PARM1: variants seen among roughly 807,000 people sequenced by gnomAD.
PARM1 encodes the protein WSC4, cell wall integrity and stress response component 4 homolog.
In PARM1, 14 loss-of-function variants were observed where a neutral mutation model predicts 24.6. That is an observed-to-expected ratio of 0.57 (90% CI 0.38 to 0.89). PARM1 has a LOEUF of 0.89. Among genes scored for constraint, PARM1 ranks in the 40% least tolerant of loss-of-function variants. The pLI is 0.00. For synonymous variants in PARM1, 179 were observed against 156.6 expected, an observed-to-expected ratio of 1.14 and a Z score of -1.07; for missense variants, 362 against 380.4, an observed-to-expected ratio of 0.95 and a Z score of 0.40.
intron 3 of PARM1, among the ~76,000 whole-genome samples, chr4:75,044,182 G>A (rs1056726900): frequency 1.4e-4 from 22 of 152,134 alleles, no homozygotes; most frequent in Admixed American, 1.4e-3. Flanking sequence ...TTTTCATTTT[G>A]TTTAATTTTC....
At position 75,020,959 on chromosome 4, in the gene PARM1, G is replaced by A. The variant is rs771558111; in HGVS notation, c.769+7809G>A. Among the ~76,000 whole-genome samples, 19 of 152,086 alleles carry A rather than the reference G, an allele frequency of 1.2e-4. 1 individual carries two copies. The highest frequency in any genetic ancestry group is 4.2e-4 in the South Asian group (2 of 4,816). On this transcript the variant is annotated intron_variant, in intron 2 of 3. Transcript: ENST00000307428. ...CACAAGTCAATTGCATCTCTTCTTC[G>A]CAGCATGTGATTATACATTTTTCTT...
At chr4:74,949,773 A>G (rs1356908965) in intron 1 of PARM1, among the ~76,000 whole-genome samples, 1 of 151,826 alleles carries the variant, frequency 6.6e-6, no homozygotes, top group African/African-American at 2.4e-5. Context: ...GATGGCAAAC[A>G]TGTCCTGTGG....
At chr4:74,978,240 C>A (rs889178537) in intron 1 of PARM1, among the ~76,000 whole-genome samples, 3 of 152,062 alleles carry the variant, frequency 2.0e-5, no homozygotes, top group African/African-American at 7.2e-5. Context: ...GTGCAAAGAC[C>A]CACATAGGCT....
chr4:75,007,829 C>G (rs1218070023), intron 1 of PARM1, among the ~76,000 whole-genome samples: 1 of 152,178 alleles, frequency 6.6e-6, no homozygotes, highest in Non-Finnish European at 1.5e-5. Flanking sequence ...AGAACTTACT[C>G]TCTGTCTTCA....
intron 1 of PARM1, among the ~76,000 whole-genome samples, chr4:74,987,420 C>A (rs1306302007): frequency 2.0e-5 from 3 of 151,974 alleles, no homozygotes; most frequent in Admixed American, 6.6e-5. Flanking sequence ...ATTGAATGTT[C>A]TACTGTTTAT....
In PARM1 at chr4:75,046,442, A is replaced by T. The variant is rs1014930102; in HGVS notation, c.*195A>T. 1 of 491,612 alleles carries T rather than the reference A, an allele frequency of 2.0e-6. No individual in the cohort carries two copies. Among genetic ancestry groups the T allele is most frequent in the African/African-American group, 2.0e-5 (1 of 51,108 alleles). 30.5% of individuals were successfully genotyped at this position (491,612 alleles called of 1,614,324 possible). Reference sequence around the variant, plus strand: ...TCTGGTACAAGAAGAACCATTCTTTAAAGGTGAGTGGAGGCTGATTTGCAG... The same window carrying T: ...TCTGGTACAAGAAGAACCATTCTTTTAAGGTGAGTGGAGGCTGATTTGCAG... On this transcript the variant is annotated 3_prime_UTR_variant, in exon 4 of 4. Coordinates refer to ENST00000307428, the MANE Select transcript of PARM1 (RefSeq NM_015393.4).
At chr4:74,950,541 A>G (rs1190844795) in intron 1 of PARM1, among the ~76,000 whole-genome samples, 1 of 152,202 alleles carries the variant, frequency 6.6e-6, no homozygotes, top group Non-Finnish European at 1.5e-5. Context: ...CTTATTTCCA[A>G]ACAAGGTGAC....
At chr4:74,960,680 A>G (rs1721751402) in intron 1 of PARM1, among the ~76,000 whole-genome samples, 1 of 152,112 alleles carries the variant, frequency 6.6e-6, no homozygotes, top group African/African-American at 2.4e-5. Flanking sequence ...CCCAATAGAA[A>G]CATACCTAAA....
chr4:75,012,078 A>G (rs1363068060), intron 1 of PARM1, among the ~76,000 whole-genome samples: 2 of 152,200 alleles, frequency 1.3e-5, no homozygotes, highest in Non-Finnish European at 2.9e-5. Context: ...TCGGCAGTCC[A>G]GACAAGTTCC....
chr4:74,954,616 G>A (rs181308303), intron 1 of PARM1, among the ~76,000 whole-genome samples: 1 of 152,242 alleles, frequency 6.6e-6, no homozygotes, highest in African/African-American at 2.4e-5. Context: ...TGATGCTGAT[G>A]GCCCATTCTA....
chr4:74,973,625 A>G lies in PARM1; in HGVS notation c.44-38800A>G, dbSNP rs1431721046. Among the ~76,000 whole-genome samples, 15 of 152,286 alleles carry G rather than the reference A, an allele frequency of 9.8e-5. No homozygotes were observed. The East Asian group carries it at 2.5e-3, about 26-fold the overall frequency. ...AGTCCTGTCCTGAGGTATCCTTCCC[A>G]GGACCCTCTTGCAGCGGCACAAGCC... On this transcript the variant is annotated intron_variant, in intron 1 of 3. Coordinates refer to ENST00000307428, the MANE Select transcript of PARM1 (RefSeq NM_015393.4).
At chr4:75,023,805 T>C (rs1723130755) in intron 2 of PARM1, among the ~76,000 whole-genome samples, 1 of 152,076 alleles carries the variant, frequency 6.6e-6, no homozygotes, top group African/African-American at 2.4e-5. Context: ...AGCTGCAGGA[T>C]TTAGCCTGGG....
chr4:74,969,597 G>A (rs1023086271), intron 1 of PARM1: 6 of 152,244 alleles, frequency 3.9e-5, no homozygotes, highest in Non-Finnish European at 8.8e-5. Flanking sequence ...AGTGTTGCAA[G>A]AGGAATGATG....
At chr4:74,988,248 T>C (rs754634411) in intron 1 of PARM1, among the ~76,000 whole-genome samples, 2 of 152,186 alleles carry the variant, frequency 1.3e-5, no homozygotes, top group African/African-American at 2.4e-5. Flanking sequence ...ACAGTATACA[T>C]ATTTACCCAG....
rs1025286040 is a variant in PARM1, at chr4:75,042,203, C to T, written c.849-3960C>T. The stretch of plus-strand genomic sequence containing the variant: ...TATCATCAAATATTTATAAAATAAC[C>T]ATTATATCAACAGCAACATGTTAGG... On this transcript the variant is annotated intron_variant, in intron 3 of 3. Coordinates refer to ENST00000307428, the MANE Select transcript of PARM1 (RefSeq NM_015393.4). 7.2e-5 allele frequency among the ~76,000 whole-genome samples: 11 copies of T among 152,116 alleles called. 1 individual carries two copies. Among genetic ancestry groups the T allele is most frequent in the African/African-American group, 2.7e-4 (11 of 41,426 alleles).
intron 1 of PARM1, among the ~76,000 whole-genome samples, chr4:74,976,673 G>C (rs1250455892): frequency 6.6e-6 from 1 of 152,220 alleles, no homozygotes; most frequent in Admixed American, 6.5e-5. Context: ...GGGGTTGCCA[G>C]ACACCTTATA....
rs566445671 is a variant in PARM1, at chr4:74,935,556, C to T, written c.43+2186C>T. Among the ~76,000 whole-genome samples, 3 of 152,320 alleles carry T rather than the reference C, an allele frequency of 2.0e-5. No individual in the cohort carries two copies. The South Asian group carries it at 6.2e-4, about 32-fold the overall frequency. ...GGGGCTTATCCCAGAACTCCCCTAG[C>T]AAATCTCTAGTTAGTTTCACCAGGC... On this transcript the variant is annotated intron_variant, in intron 1 of 3. Transcript: ENST00000307428.
chr4:75,010,480 A>G (rs1722849577), intron 1 of PARM1, among the ~76,000 whole-genome samples: 1 of 152,226 alleles, frequency 6.6e-6, no homozygotes, highest in African/African-American at 2.4e-5. Flanking sequence ...TGAACTGTAC[A>G]CTTAAAATTG....
At chr4:75,015,004 A>G (rs1446986652) in intron 2 of PARM1, among the ~76,000 whole-genome samples, 1 of 152,182 alleles carries the variant, frequency 6.6e-6, no homozygotes, top group Non-Finnish European at 1.5e-5. Context: ...TACAGTGACC[A>G]CATTTTTTTT....
Sources: allele counts gnomAD v4.1 joint callset (sites outside exome capture counted in the v4.1 genomes callset), GRCh38; gene constraint gnomAD v4.1.1; transcripts MANE v1.5; gene names NCBI Gene and HGNC (gene_info 2026-07-23, HGNC 2026-07-21).